The following PCGF2 variants were observed in gnomAD, a reference collection of about 807,000 sequenced individuals.
The protein encoded by PCGF2 is polycomb group ring finger 2.
A neutral mutation model predicts 36.1 loss-of-function variants in PCGF2; 8 were observed. The observed-to-expected ratio is 0.22, with a 90% CI of 0.13 to 0.40. PCGF2 has a LOEUF of 0.40. Among genes scored for constraint, PCGF2 ranks in the 10% least tolerant of loss-of-function variants. PCGF2 has a pLI of 1.00. For synonymous variants in PCGF2, 198 were observed against 191.2 expected (o/e 1.04, Z -0.29); for missense variants, 436 against 475.9 (o/e 0.92, Z 0.78).
intron 9 of PCGF2, among the ~76,000 whole-genome samples, chr17:38,737,101 C>T (rs936015590): frequency 6.6e-6 from 1 of 152,232 alleles, no homozygotes; most frequent in East Asian, 1.9e-4. Flanking sequence ...TGCCATTGCA[C>T]TCCAGCCTGG....
In PCGF2 at chr17:38,739,555, G is replaced by T. The variant is rs758565701; in HGVS notation, c.209+31C>A. ...ATGGGGGAGGCTGACCCAGAGGATC[G>T]CGGGGACAGGAGGTGCCGTGCCAAG... On this transcript the variant is annotated intron_variant, in intron 4 of 10. Coordinates refer to ENST00000620225, the MANE Select transcript of PCGF2 (RefSeq NM_007144.3). The surrounding 1 kb of genome is among the most constrained non-coding windows in gnomAD (Gnocchi z 4.0). 3.3e-6 allele frequency: 5 copies of T among 1,515,738 alleles called. No individual in the cohort carries two copies. The highest frequency in any genetic ancestry group is 1.7e-4 in the Middle Eastern group (1 of 5,838). 93.9% of individuals were successfully genotyped at this position (1,515,738 alleles called of 1,614,324 possible). A position where few individuals can be genotyped will look rare whatever the true frequency, so the allele number is the denominator to read the frequency against.
chr17:38,740,390 T>G lies in PCGF2; in HGVS notation c.13A>C (p.Thr5Pro). 9.8e-7 allele frequency: 1 copy of G among 1,019,404 alleles called. No individual in the cohort carries two copies. 63.1% of individuals were successfully genotyped at this position (1,019,404 alleles called of 1,614,324 possible). Residue 5 changes from threonine (T) to proline (P), a missense_variant, in exon 3 of 11, where the codon ACA (threonine) becomes CCA (proline). Physicochemically the swap from Thr to Pro is conservative, Grantham distance 38. This residue lies in a region of PCGF2 where 189 missense variants were observed against 219.3 expected (regional missense o/e 0.86). Transcript: ENST00000620225. Reference protein sequence around the residue: MHRTTRIKITELNPH... With the variant: MHRTPRIKITELNPH... ...TTCAGCTCTGTGATTTTGATCCGTGTAGTCCGATGCATGATTCCGGGGTCG... is the reference window on the plus strand; with the variant it reads ...TTCAGCTCTGTGATTTTGATCCGTGGAGTCCGATGCATGATTCCGGGGTCG...
intron 2 of PCGF2, chr17:38,746,580 T>G (rs1907548863): frequency 6.6e-6 from 1 of 152,378 alleles, no homozygotes; most frequent in Non-Finnish European, 1.5e-5. Context: ...AGGGCTGCAG[T>G]GGGCATGTGA....
chr17:38,735,909 G>A (rs999434747), intron 10 of PCGF2, among the ~76,000 whole-genome samples, 181 bp downstream of exon 10: 9 of 152,170 alleles, frequency 5.9e-5, no homozygotes, highest in Admixed American at 2.0e-4. Flanking sequence ...TCTCCTGAGC[G>A]GAAAGTCATC....
At chr17:38,740,134 G>A (rs760299999) in intron 3 of PCGF2, among the ~76,000 whole-genome samples, 157 bp downstream of exon 3, 2 of 152,368 alleles carry the variant, frequency 1.3e-5, no homozygotes, top group South Asian at 2.1e-4. Context: ...TCGCCCCTGC[G>A]AGGTAGGCCC....
At chr17:38,736,676 T>C (rs987888747) in intron 9 of PCGF2, among the ~76,000 whole-genome samples, 1 of 150,626 alleles carries the variant, frequency 6.6e-6, no homozygotes, top group Non-Finnish European at 1.5e-5. Flanking sequence ...CTACTAAAAA[T>C]ACAAAAAATT....
chr17:38,740,285 A>G lies in PCGF2; in HGVS notation c.112+6T>C. 1 of 1,610,556 alleles carries G rather than the reference A, an allele frequency of 6.2e-7. No homozygotes were observed. On this transcript the variant is annotated splice_donor_region_variant and intron_variant, in intron 3 of 10. Transcript: ENST00000620225. ...ACCCTGAGCAGCTCCCCTCCCCCCA[A>G]CTCACAGGAATGCAGGCACTCCACG...
Position 38,735,893 on chromosome 17 carries a change from G to A in PCGF2, c.657+197C>T, listed in dbSNP as rs118000632. 4.3e-4 allele frequency among the ~76,000 whole-genome samples: 65 copies of A among 152,326 alleles called. 1 individual carries two copies. In the East Asian group the frequency reaches 0.011, roughly 27 times the overall value. ...TCTGGGGACACCGTCTGCCCAGGGA[G>A]CCTTGTCTCCTGAGCGGAAAGTCAT... On this transcript the variant is annotated intron_variant, in intron 10 of 10. Coordinates refer to ENST00000620225, the MANE Select transcript of PCGF2 (RefSeq NM_007144.3).
chr17:38,749,638 G>A (rs1907791378), upstream of PCGF2: 1 of 455,874 alleles, frequency 2.2e-6, no homozygotes, highest in African/African-American at 2.0e-5. The surrounding 1 kb of genome is among the most constrained non-coding windows in gnomAD (Gnocchi z 6.5). Flanking sequence ...GCTCGAGTTA[G>A]AAATTAGGAT....
In PCGF2 at chr17:38,736,107, T is replaced by C. The variant is rs1460622087; in HGVS notation, c.640A>G (p.Ile214Val). 3.8e-6 allele frequency: 6 copies of C among 1,581,188 alleles called. No individual in the cohort carries two copies. Among genetic ancestry groups the C allele is most frequent in the Non-Finnish European group, 5.2e-6 (6 of 1,163,042 alleles). The change falls in exon 10 of 11, where the codon ATC becomes GTC. Residue 214 changes from isoleucine (I) to valine (V), a missense_variant. Around this residue, in one of 3 missense-constraint regions of PCGF2, gnomAD observed 227 missense variants for 212.9 expected, o/e 1.07. Coordinates refer to ENST00000620225, the MANE Select transcript of PCGF2 (RefSeq NM_007144.3). The stretch of plus-strand genomic sequence containing the variant: ...TGGCTCACCCGCCGCCAGGGGTAGA[T>C]GTAGGCGATGTCCATGAGGGTGTAG... ...EYYTLMDIAY[I>V]YPWRRNGPLP...
chr17:38,738,696 G>T, intron 7 of PCGF2, 57 bp downstream of exon 7: 1 of 1,568,280 alleles, frequency 6.4e-7, no homozygotes. Flanking sequence ...GTCCTGGGTG[G>T]GAGAAGGGGT....
chr17:38,735,013 G>A lies in PCGF2; in HGVS notation c.*210C>T, dbSNP rs537147613. ...ACACACATAAAGTTTGTTTCCTGTG[G>A]CATTTAAATTAATCTGGTTGGTCCA... On this transcript the variant is annotated 3_prime_UTR_variant, in exon 11 of 11. Coordinates refer to ENST00000620225, the MANE Select transcript of PCGF2 (RefSeq NM_007144.3). 32 of 399,954 alleles carry A rather than the reference G, an allele frequency of 8.0e-5. No individual in the cohort carries two copies. The highest frequency in any genetic ancestry group is 1.4e-4 in the Non-Finnish European group (31 of 227,102). The allele number at this position is 399,954 out of a possible 1,614,324, so 24.8% of individuals were successfully genotyped here.
In PCGF2 at chr17:38,739,370, G is replaced by T. The variant is rs928063289; in HGVS notation, c.210-117C>A. On this transcript the variant is annotated intron_variant, in intron 4 of 10. Coordinates refer to ENST00000620225, the MANE Select transcript of PCGF2 (RefSeq NM_007144.3). This position sits in a 1 kb window ranked among gnomAD's most constrained non-coding sequence, Gnocchi z 4.0. ...ACCCCCTTCCTGAGACCGGTGCCCA[G>T]GCATTAGGATCCCTGTGGGTCTGGT... The T allele has an allele frequency of 4.0e-6, 4 of 1,007,024 alleles. No individual in the cohort carries two copies. Among genetic ancestry groups the T allele is most frequent in the Non-Finnish European group, 6.2e-6 (4 of 644,270 alleles). The allele number at this position is 1,007,024 out of a possible 1,614,324, so 62.4% of individuals were successfully genotyped here. A position where few individuals can be genotyped will look rare whatever the true frequency, so the allele number is the denominator to read the frequency against.
Position 38,735,681 on chromosome 17 carries a change from C to T in PCGF2, c.658-81G>A, listed in dbSNP as rs1906653594. The T allele has an allele frequency of 4.1e-6, 6 of 1,449,234 alleles. No individual in the cohort carries two copies. In the Admixed American group the frequency reaches 9.9e-5, roughly 24 times the overall value. 89.8% of individuals were successfully genotyped at this position (1,449,234 alleles called of 1,614,324 possible). A position where few individuals can be genotyped will look rare whatever the true frequency, so the allele number is the denominator to read the frequency against. On this transcript the variant is annotated intron_variant, in intron 10 of 10. Coordinates refer to ENST00000620225, the MANE Select transcript of PCGF2 (RefSeq NM_007144.3). ...AGTCCAACTAAAGGGCCACCATCTCCACCCCACAGTGTCCAAACTCGAAAA... is the reference window on the plus strand; with the variant it reads ...AGTCCAACTAAAGGGCCACCATCTCTACCCCACAGTGTCCAAACTCGAAAA...
At chr17:38,738,470 T>A (rs763533433) in intron 8 of PCGF2, 22 bp from the exon 9 acceptor site, 2 of 1,613,642 alleles carry the variant, frequency 1.2e-6, no homozygotes, top group Non-Finnish European at 1.7e-6. Flanking sequence ...CAGGCACCCA[T>A]GGTAGGGGAT....
intron 10 of PCGF2, among the ~76,000 whole-genome samples, 188 bp downstream of exon 10, chr17:38,735,902 C>T (rs73982894): frequency 0.016 from 2,402 of 152,288 alleles, 60 homozygotes; most frequent in African/African-American, 0.055. Flanking sequence ...AGCCTTGTCT[C>T]CTGAGCGGAA....
intron 10 of PCGF2, 112 bp downstream of exon 10, chr17:38,735,978 A>C (rs953481116): frequency 1.3e-6 from 1 of 774,634 alleles, no homozygotes; most frequent in Non-Finnish European, 2.2e-6. Flanking sequence ...CATGCAGCTC[A>C]TGGGATAAGG....
upstream of PCGF2, chr17:38,749,771 C>T: frequency 2.2e-6 from 1 of 454,652 alleles, no homozygotes; most frequent in Middle Eastern, 3.3e-4. The surrounding 1 kb of genome is among the most constrained non-coding windows in gnomAD (Gnocchi z 6.5). Context: ...ACCAGGAGAC[C>T]TGCGCACACT....
intron 2 of PCGF2, among the ~76,000 whole-genome samples, chr17:38,742,140 C>T (rs4795311): frequency 0.16 from 24,675 of 152,146 alleles, 2,472 homozygotes; most frequent in Admixed American, 0.25. Context: ...GATTGGCCAC[C>T]GTGCTTCCTT....
Sources: gnomAD v4.1 joint callset for allele counts (sites outside exome capture counted in the v4.1 genomes callset) on GRCh38, gnomAD v4.1.1 for gene constraint, gnomAD v4.1.1 regional missense constraint, Gnocchi (gnomAD v3.1) non-coding constraint, MANE v1.5 for transcripts, NCBI Gene and HGNC (gene_info 2026-07-23, HGNC 2026-07-21) for gene names.